Variants in COL5A2 observed in about 807,000 individuals in gnomAD.
The protein encoded by COL5A2 is collagen alpha-2(V) chain.
Under a neutral mutation model 208.2 loss-of-function variants are expected in COL5A2, and 23 were observed. The ratio of observed to expected loss-of-function variants is 0.11; its 90% CI spans 0.08 to 0.16. The LOEUF (loss-of-function observed/expected upper bound fraction) is 0.16. COL5A2 is among the 10% of genes least tolerant of loss of function. The probability of loss-of-function intolerance (pLI) is 1.00; values close to 1 mark genes in which losing one functional copy is unlikely to be tolerated. For missense variants in COL5A2, 1,590 were observed against 1,956.4 expected (o/e 0.81, Z 3.53); for synonymous variants, 625 against 628.5 (o/e 0.99, Z 0.08).
intron 12 of COL5A2, 147 bp from the exon 13 acceptor site, chr2:189,081,190 C>T (rs1559094591): frequency 1.0e-5 from 7 of 678,458 alleles, no homozygotes; most frequent in Non-Finnish European, 1.6e-5. Context: ...ATACTTTTAT[C>T]TGTCAAAATA....
chr2:189,269,945 T>C, the COL5A2 span, among the ~76,000 whole-genome samples: 1 of 152,218 alleles, frequency 6.6e-6, no homozygotes, highest in Non-Finnish European at 1.5e-5. Flanking sequence ...ATTCAACTTC[T>C]TCCTGGTTTA....
the COL5A2 span, among the ~76,000 whole-genome samples, chr2:189,273,493 C>T: frequency 1.3e-5 from 2 of 152,172 alleles, no homozygotes; most frequent in East Asian, 3.9e-4. Context: ...AGTCTCACTA[C>T]TGAATATACA....
At chr2:189,262,969 T>C in the COL5A2 span, among the ~76,000 whole-genome samples, 1 of 152,134 alleles carries the variant, frequency 6.6e-6, no homozygotes, top group Non-Finnish European at 1.5e-5. Context: ...GAGAAATTTA[T>C]TACATATTAA....
the COL5A2 span, among the ~76,000 whole-genome samples, chr2:189,350,102 A>C: frequency 2.6e-5 from 4 of 152,196 alleles, no homozygotes; most frequent in Non-Finnish European, 5.9e-5. Context: ...TATATTTATA[A>C]AATAAAACAG....
At chr2:189,349,421 G>A in the COL5A2 span, among the ~76,000 whole-genome samples, 1 of 152,106 alleles carries the variant, frequency 6.6e-6, no homozygotes, top group Non-Finnish European at 1.5e-5. Flanking sequence ...CCAAATCCAA[G>A]TTGAAAAGAA....
chr2:189,239,602 C>T, the COL5A2 span, among the ~76,000 whole-genome samples: 2 of 121,774 alleles, frequency 1.6e-5, no homozygotes, highest in East Asian at 4.9e-4. Context: ...GGGAACATCA[C>T]ACTCTGGGGA....
chr2:189,116,747 T>C (rs989431853), intron 1 of COL5A2, among the ~76,000 whole-genome samples: 2 of 152,200 alleles, frequency 1.3e-5, no homozygotes, highest in South Asian at 2.1e-4. Context: ...GCTCCTTTTT[T>C]CCTTGTACCA....
chr2:189,153,256 A>T (rs1688180553), intron 1 of COL5A2, among the ~76,000 whole-genome samples: 1 of 152,224 alleles, frequency 6.6e-6, no homozygotes, highest in Non-Finnish European at 1.5e-5. Context: ...GGTTGGAAGG[A>T]GTCAGATGGA....
intron 1 of COL5A2, among the ~76,000 whole-genome samples, chr2:189,186,566 A>C (rs949286018): frequency 6.6e-6 from 1 of 152,218 alleles, no homozygotes; most frequent in Non-Finnish European, 1.5e-5. Context: ...TTTGCATCAA[A>C]TTGCACGTCA....
At chr2:189,129,368 T>C (rs1687667633) in intron 1 of COL5A2, among the ~76,000 whole-genome samples, 1 of 152,006 alleles carries the variant, frequency 6.6e-6, no homozygotes, top group Non-Finnish European at 1.5e-5. Flanking sequence ...AAAATCCATG[T>C]TTTTCAATAT....
the COL5A2 span, among the ~76,000 whole-genome samples, chr2:189,435,357 A>G: frequency 3.9e-5 from 6 of 152,250 alleles, no homozygotes; most frequent in African/African-American, 1.2e-4. Context: ...GCTTCTGCAT[A>G]GCAAAAGAAA....
intron 21 of COL5A2, among the ~76,000 whole-genome samples, chr2:189,067,505 GTTTA>G (rs1369099549): frequency 2.0e-5 from 3 of 151,980 alleles, no homozygotes; most frequent in East Asian, 3.8e-4. Context: ...TTCTCAATGT[GTTTA>G]TTTGTTATGG....
intron 35 of COL5A2, among the ~76,000 whole-genome samples, chr2:189,054,635 C>T (rs778807027): frequency 4.0e-5 from 6 of 150,058 alleles, no homozygotes; most frequent in Admixed American, 1.3e-4. Flanking sequence ...AGCAAAATAT[C>T]ACTTTTTTAC....
the COL5A2 span, among the ~76,000 whole-genome samples, chr2:189,355,246 T>C: frequency 3.3e-5 from 5 of 152,210 alleles, no homozygotes; most frequent in African/African-American, 1.2e-4. Flanking sequence ...CTGAGAAGAA[T>C]GTATATTCTG....
chr2:189,153,853 CA>C (rs1688193284), intron 1 of COL5A2, among the ~76,000 whole-genome samples: 1 of 152,068 alleles, frequency 6.6e-6, no homozygotes, highest in Admixed American at 6.6e-5. Flanking sequence ...AGCATTTGAA[CA>C]TCTGGAAATC....
At chr2:189,124,985 T>A (rs1687580493) in intron 1 of COL5A2, among the ~76,000 whole-genome samples, 1 of 152,166 alleles carries the variant, frequency 6.6e-6, no homozygotes, top group South Asian at 2.1e-4. Flanking sequence ...ACTGATTTAA[T>A]GGCAGATAAC....
chr2:189,040,532 T>C (rs1043249132), intron 50 of COL5A2, among the ~76,000 whole-genome samples: 2 of 152,182 alleles, frequency 1.3e-5, no homozygotes, highest in South Asian at 4.1e-4. Context: ...GAGCAAGATC[T>C]GGGAGCAAGA....
At chr2:189,310,251 G>A in the COL5A2 span, among the ~76,000 whole-genome samples, 20 of 152,182 alleles carry the variant, frequency 1.3e-4, no homozygotes, top group African/African-American at 4.3e-4. Flanking sequence ...TAAAAAAACC[G>A]GCAAAAGATT....
At chr2:189,428,898 A>C in the COL5A2 span, among the ~76,000 whole-genome samples, 17 of 152,238 alleles carry the variant, frequency 1.1e-4, no homozygotes, top group Non-Finnish European at 2.2e-4. Flanking sequence ...GAGGCAACTT[A>C]AAAAGTCAAT....
Sources: allele counts gnomAD v4.1 joint callset (sites outside exome capture counted in the v4.1 genomes callset), GRCh38; gene constraint gnomAD v4.1.1; transcripts MANE v1.5; gene names NCBI Gene and HGNC (gene_info 2026-07-23, HGNC 2026-07-21).